Variants in SLC9C1 observed in about 807,000 individuals in gnomAD.
SLC9C1 encodes solute carrier family 9 member C1, also known as sodium/hydrogen exchanger 10.
Under a neutral mutation model 140.9 loss-of-function variants are expected in SLC9C1, and 97 were observed. The ratio of observed to expected loss-of-function variants is 0.69; its 90% confidence interval spans 0.58 to 0.82. The LOEUF (loss-of-function observed/expected upper bound fraction) is 0.82. SLC9C1 is among the 40% of genes least tolerant of loss of function. The probability of loss-of-function intolerance (pLI) is 0.00; values close to 1 mark genes in which losing one functional copy is unlikely to be tolerated. For synonymous variants in SLC9C1, 440 were observed against 442.6 expected, an observed-to-expected ratio of 0.99 and a Z score of 0.07; for missense variants, 1,340 against 1,389.3, an observed-to-expected ratio of 0.96 and a Z score of 0.56.
At chr3:112,150,544 T>C (rs1429403692) in intron 28 of SLC9C1, among the ~76,000 whole-genome samples, 1 of 152,048 alleles carries the variant, frequency 6.6e-6, no homozygotes, top group Non-Finnish European at 1.5e-5. Flanking sequence ...CCCATCTTCC[T>C]TCTTGAATTG....
chr3:112,206,009 A>C (rs1330354378), intron 16 of SLC9C1, among the ~76,000 whole-genome samples: 2 of 109,508 alleles, frequency 1.8e-5, no homozygotes, highest in Admixed American at 1.0e-4. Context: ...AATGGGATCT[A>C]ATTAAACTAA....
intron 23 of SLC9C1, among the ~76,000 whole-genome samples, chr3:112,177,893 A>G (rs1206061553): frequency 6.6e-6 from 1 of 150,992 alleles, no homozygotes; most frequent in East Asian, 1.9e-4. Context: ...TCATAAATAT[A>G]TAATTTTATT....
At chr3:112,289,887 C>A (rs998406191) in intron 1 of SLC9C1, among the ~76,000 whole-genome samples, 1 of 152,190 alleles carries the variant, frequency 6.6e-6, no homozygotes. Flanking sequence ...CTTGGCCACA[C>A]ATGGAATCAC....
In SLC9C1 at chr3:112,217,516, T is replaced by G. The variant is rs1234733392; in HGVS notation, c.1716A>C (p.Lys572Asn). The G allele has an allele frequency of 3.7e-6, 6 of 1,610,202 alleles. No homozygotes were observed. Among genetic ancestry groups the G allele is most frequent in the Non-Finnish European group, 5.1e-6 (6 of 1,178,690 alleles). ...GTAGTTTTCTAGCAAAGGTAACTGT[T>G]TTTTGGCTTTCAGAATAATTCTTTA... ...DTIKNYSESQ[K>N]TVTFARKLLL... The change falls in exon 15 of 29, where the codon AAA becomes AAC. Residue 572 changes from lysine to asparagine, a missense_variant. Physicochemically the swap from Lys to Asn is moderately conservative, Grantham distance 94 (BLOSUM62 0). Coordinates refer to ENST00000305815, the MANE Select transcript of SLC9C1 (RefSeq NM_183061.3).
intron 23 of SLC9C1, among the ~76,000 whole-genome samples, chr3:112,176,924 T>TG (rs1383788235): frequency 5.1e-4 from 78 of 151,668 alleles, no homozygotes; most frequent in African/African-American, 1.8e-3. Flanking sequence ...CTCTCAGCTG[T>TG]GGGCCTGAGA....
intron 10 of SLC9C1, among the ~76,000 whole-genome samples, chr3:112,245,302 G>A (rs969823771): frequency 2.0e-5 from 3 of 152,000 alleles, no homozygotes; most frequent in Admixed American, 1.3e-4. Context: ...TATGTTGTAC[G>A]TTTTTAAAAA....
At chr3:112,221,373 T>C in intron 13 of SLC9C1, 148 bp from the exon 14 acceptor site, 2 of 713,734 alleles carry the variant, frequency 2.8e-6, no homozygotes, top group South Asian at 2.0e-5. Context: ...GTTCAGATTA[T>C]AAGATTACTG....
intron 14 of SLC9C1, 131 bp from the exon 15 acceptor site, chr3:112,217,692 G>T: frequency 1.4e-6 from 1 of 723,248 alleles, no homozygotes; most frequent in Non-Finnish European, 2.0e-6. Flanking sequence ...TGCCATGATG[G>T]TTGGATTAAG....
chr3:112,276,716 A>G (rs2080224589), intron 5 of SLC9C1, among the ~76,000 whole-genome samples: 1 of 152,012 alleles, frequency 6.6e-6, no homozygotes, highest in African/African-American at 2.4e-5. Flanking sequence ...GAGTCTCTCA[A>G]ATATAGCGGA....
At chr3:112,274,819 G>A in intron 6 of SLC9C1, 78 bp downstream of exon 6, 1 of 1,275,572 alleles carries the variant, frequency 7.8e-7, no homozygotes, top group Non-Finnish European at 1.0e-6. Flanking sequence ...CTTATGGTAG[G>A]ATATTACAAA....
chr3:112,195,225 C>T (rs1284015827), intron 20 of SLC9C1, among the ~76,000 whole-genome samples: 1 of 151,994 alleles, frequency 6.6e-6, no homozygotes, highest in African/African-American at 2.4e-5. Context: ...AAGTTTTAAC[C>T]ATGTTTTCTT....
At chr3:112,219,634 A>G (rs988466269) in intron 14 of SLC9C1, among the ~76,000 whole-genome samples, 16 of 152,150 alleles carry the variant, frequency 1.1e-4, no homozygotes, top group African/African-American at 3.9e-4. Context: ...GCTGGAGTGC[A>G]GTGGCACAAT....
chr3:112,250,786 C>T (rs2079433666), intron 10 of SLC9C1, among the ~76,000 whole-genome samples: 1 of 152,172 alleles, frequency 6.6e-6, no homozygotes, highest in African/African-American at 2.4e-5. Context: ...CAGTTATATA[C>T]TGCTGGTGGG....
At chr3:112,151,042 T>C (rs1478230222) in intron 28 of SLC9C1, among the ~76,000 whole-genome samples, 1 of 151,798 alleles carries the variant, frequency 6.6e-6, no homozygotes, top group East Asian at 1.9e-4. Context: ...TTCACTACCT[T>C]GGTCAGGCTG....
chr3:112,221,879 A>C (rs555961092), intron 13 of SLC9C1, among the ~76,000 whole-genome samples: 1 of 152,170 alleles, frequency 6.6e-6, no homozygotes, highest in African/African-American at 2.4e-5. Context: ...TATGCTGAAC[A>C]CTATTCAGAA....
chr3:112,278,313 G>C (rs543508858), intron 4 of SLC9C1, among the ~76,000 whole-genome samples: 2 of 152,078 alleles, frequency 1.3e-5, no homozygotes, highest in Non-Finnish European at 2.9e-5. Context: ...TTGAATTAAA[G>C]TTTAGCTGCT....
At chr3:112,203,664 T>C (rs1022528144) in intron 17 of SLC9C1, among the ~76,000 whole-genome samples, 4 of 151,994 alleles carry the variant, frequency 2.6e-5, no homozygotes, top group African/African-American at 7.2e-5. Flanking sequence ...TTCATATATA[T>C]ACTTATTTGT....
rs550965583 is a variant in SLC9C1 at position 112,189,665 on chromosome 3, A to G, written c.2524-7407T>C. Among the ~76,000 whole-genome samples the G allele has an allele frequency of 2.6e-5, 4 of 152,278 alleles. No individual in the cohort carries two copies. The South Asian group carries it at 6.2e-4, about 24-fold the overall frequency. ...GTAGTATGGTTTGAAGTCAGGTAGC[A>G]TGATGCCTCCAGCTTTGTTCTTTTG... is the stretch of plus-strand genomic sequence containing the variant. On this transcript the variant is annotated intron_variant, in intron 20 of 28. Coordinates refer to ENST00000305815, the MANE Select transcript of SLC9C1 (RefSeq NM_183061.3).
chr3:112,223,428 T>G (rs943975365), intron 13 of SLC9C1, among the ~76,000 whole-genome samples: 2 of 152,122 alleles, frequency 1.3e-5, no homozygotes, highest in African/African-American at 4.8e-5. Flanking sequence ...AGAGGTAGAT[T>G]GAGAAAAGGG....
Sources: gnomAD v4.1 joint callset for allele counts (sites outside exome capture counted in the v4.1 genomes callset) on GRCh38, gnomAD v4.1.1 for gene constraint, MANE v1.5 for transcripts, NCBI Gene and HGNC (gene_info 2026-07-23, HGNC 2026-07-21) for gene names.